Variants in GCA observed in about 807,000 individuals in gnomAD.
GCA encodes grancalcin, EF-hand calcium-binding protein.
In GCA, 30 loss-of-function variants were observed where a neutral mutation model predicts 32.6. The ratio of observed to expected loss-of-function variants is 0.92; its 90% confidence interval spans 0.69 to 1.25. GCA has a LOEUF of 1.25. Ranked by LOEUF, GCA falls within the 50% of genes most tolerant of loss-of-function variation. GCA has a pLI of 0.00. For missense variants in GCA, 291 were observed against 266.8 expected, an observed-to-expected ratio of 1.09 and a Z score of -0.63; for synonymous variants, 102 against 84.6, an observed-to-expected ratio of 1.21 and a Z score of -1.13.
At chr2:162,367,129 T>A (rs1370741984), downstream of GCA, among the ~76,000 whole-genome samples, 1 of 151,896 alleles carries the variant, frequency 6.6e-6, no homozygotes, top group Non-Finnish European at 1.5e-5. Context: ...CACCATTTTT[T>A]ATCATTTTGG....
rs1427744417 is a variant in GCA at position 162,361,420 on chromosome 2, T to C, written c.*1177T>C. The C allele has an allele frequency of 4.1e-6, 4 of 979,192 alleles. No individual in the cohort carries two copies. The South Asian group carries it at 1.4e-4, about 35-fold the overall frequency. 60.7% of individuals were successfully genotyped at this position (979,192 alleles called of 1,614,324 possible). ...TTTAATAAACCACTTATTTTTCTTA[T>C]GCTTTAAATGTGTATTTTCTAACCT... On this transcript the variant is annotated 3_prime_UTR_variant, in exon 8 of 8. Transcript: ENST00000437150.
At chr2:162,331,746 G>T (rs1684091511) in intron 1 of GCA, among the ~76,000 whole-genome samples, 1 of 152,154 alleles carries the variant, frequency 6.6e-6, no homozygotes, top group African/African-American at 2.4e-5. Context: ...CAGGTATTTT[G>T]TTGTAGCAGA....
downstream of GCA, among the ~76,000 whole-genome samples, chr2:162,373,314 A>G (rs1417580310): frequency 6.6e-6 from 1 of 152,210 alleles, no homozygotes; most frequent in African/African-American, 2.4e-5. Context: ...TTTAAAATGC[A>G]GATTACAGGG....
chr2:162,333,288 A>C (rs1684159531), intron 1 of GCA, among the ~76,000 whole-genome samples: 1 of 152,098 alleles, frequency 6.6e-6, no homozygotes, highest in Admixed American at 6.5e-5. Context: ...GAGATGAGAC[A>C]CCTATTTATT....
intron 1 of GCA, among the ~76,000 whole-genome samples, chr2:162,327,742 G>A (rs76995997): frequency 0.022 from 3,410 of 152,298 alleles, 136 homozygotes; most frequent in African/African-American, 0.077. Flanking sequence ...GCACCTCCAG[G>A]AACAGTTGGT....
intron 1 of GCA, among the ~76,000 whole-genome samples, chr2:162,329,596 A>G (rs562432156): frequency 2.6e-5 from 4 of 151,348 alleles, no homozygotes; most frequent in Admixed American, 6.6e-5. Flanking sequence ...GAATACCCAT[A>G]TATTTACTGG....
rs1230647166 is a variant in GCA at position 162,362,048 on chromosome 2, C to CT, written c.*1808dup. ...CCAGGTGACACTCTATATTAGAACT[C>CT]TTTAACACAATTTTCATTTAAAAAT... On this transcript the variant is annotated 3_prime_UTR_variant, in exon 8 of 8. Coordinates refer to ENST00000437150, the MANE Select transcript of GCA (RefSeq NM_012198.5). The CT allele has an allele frequency of 6.1e-6, 6 of 983,292 alleles. No homozygotes were observed. The African/African-American group carries it at 1.1e-4, about 17-fold the overall frequency. The allele number at this position is 983,292 out of a possible 1,614,324, so 60.9% of individuals were successfully genotyped here.
intron 2 of GCA, among the ~76,000 whole-genome samples, chr2:162,351,807 C>A (rs1396538248): frequency 6.6e-6 from 1 of 152,000 alleles, no homozygotes; most frequent in African/African-American, 2.4e-5. Context: ...CATTTTAAAA[C>A]TTTATTTTCT....
intron 3 of GCA, among the ~76,000 whole-genome samples, chr2:162,354,987 A>G (rs949800386): frequency 3.3e-5 from 5 of 152,196 alleles, no homozygotes; most frequent in Non-Finnish European, 5.9e-5. Context: ...TTAGCGATCT[A>G]TTATCATTAA....
At chr2:162,321,428 A>G (rs899101963) in intron 1 of GCA, among the ~76,000 whole-genome samples, 8 of 152,166 alleles carry the variant, frequency 5.3e-5, no homozygotes, top group Non-Finnish European at 8.8e-5. Context: ...CATGCATAGC[A>G]ATAATGTCTT....
At position 162,356,464 on chromosome 2, in the gene GCA, A is replaced by G; in HGVS notation, c.289A>G (p.Met97Val). ...SPFSLETCRI[M>V]IAMLDRDHTG... ...CTTCAGTTTGGAAACCTGCAGAATTATGATTGCCATGTTGGATGTATCCTT... is the reference window on the plus strand; with the variant it reads ...CTTCAGTTTGGAAACCTGCAGAATTGTGATTGCCATGTTGGATGTATCCTT... Residue 97 changes from methionine to valine, a missense_variant, in exon 4 of 8, where the codon ATG becomes GTG. Met to Val is a conservative substitution (Grantham distance 21, BLOSUM62 1). Transcript: ENST00000437150. 1 of 1,572,530 alleles carries G rather than the reference A, an allele frequency of 6.4e-7. No individual in the cohort carries two copies. Among genetic ancestry groups the G allele is most frequent in the African/African-American group, 1.3e-5 (1 of 74,162 alleles).
downstream of GCA, among the ~76,000 whole-genome samples, chr2:162,372,422 G>C (rs1489186498): frequency 6.6e-6 from 1 of 152,038 alleles, no homozygotes; most frequent in East Asian, 1.9e-4. Context: ...TGAGGAATGG[G>C]ATCACTTGAT....
chr2:162,350,396 G>A (rs947855842), intron 2 of GCA, among the ~76,000 whole-genome samples: 1 of 152,162 alleles, frequency 6.6e-6, no homozygotes, highest in Non-Finnish European at 1.5e-5. Flanking sequence ...GCCCTGTTCT[G>A]CCTAGCCTCA....
rs1685609143 is a variant in GCA, at chr2:162,362,373, A to G, written c.*2130A>G. ...TTAACAAAAACATTAGGCCTAGAGA[A>G]TATTTTACCAGAATTTTTATACTGA... On this transcript the variant is annotated 3_prime_UTR_variant, in exon 8 of 8. Coordinates refer to ENST00000437150, the MANE Select transcript of GCA (RefSeq NM_012198.5). 1.0e-5 allele frequency: 10 copies of G among 980,928 alleles called. No homozygotes were observed. Among genetic ancestry groups the G allele is most frequent in the Non-Finnish European group, 1.2e-5 (10 of 826,076 alleles). The allele number at this position is 980,928 out of a possible 1,614,324, so 60.8% of individuals were successfully genotyped here.
chr2:162,333,916 G>A (rs528062714), intron 1 of GCA, among the ~76,000 whole-genome samples: 143 of 152,220 alleles, frequency 9.4e-4, no homozygotes, highest in Non-Finnish European at 1.4e-3. Flanking sequence ...AACTTATCTC[G>A]AAAAAGGAAT....
chr2:162,372,565 C>G (rs1033521710), downstream of GCA, among the ~76,000 whole-genome samples: 1 of 151,132 alleles, frequency 6.6e-6, no homozygotes, highest in Non-Finnish European at 1.5e-5. Context: ...GTTTCCCAGT[C>G]ATTCAAAACT....
intron 1 of GCA, among the ~76,000 whole-genome samples, chr2:162,345,528 G>T (rs1489809655): frequency 6.6e-6 from 1 of 152,152 alleles, no homozygotes. Flanking sequence ...ATAATTTGGT[G>T]CTTCCTTACC....
chr2:162,319,210 C>T (rs781126048), exon 1 of GCA: 1 of 457,030 alleles, frequency 2.2e-6, no homozygotes, highest in South Asian at 1.5e-5. Flanking sequence ...TAACTTGTTT[C>T]CCTGGGAATT....
At chr2:162,327,299 T>C (rs1683918876) in intron 1 of GCA, among the ~76,000 whole-genome samples, 1 of 152,106 alleles carries the variant, frequency 6.6e-6, no homozygotes. Context: ...GAATTTGCAG[T>C]TATCAGCCAG....
Sources: allele counts gnomAD v4.1 joint callset (sites outside exome capture counted in the v4.1 genomes callset), GRCh38; gene constraint gnomAD v4.1.1; transcripts MANE v1.5; gene names NCBI Gene and HGNC (gene_info 2026-07-23, HGNC 2026-07-21).